CLVS1: variants seen among roughly 807,000 people sequenced by gnomAD.
CLVS1 encodes clavesin-1.
In CLVS1, 10 loss-of-function variants were observed where a neutral mutation model predicts 33.1. That is an observed-to-expected ratio of 0.30 (90% CI 0.19 to 0.51). The LOEUF (loss-of-function observed/expected upper bound fraction) is 0.51, where lower values mean the gene tolerates loss of function less well. Ranked by LOEUF, CLVS1 falls within the 20% of genes least tolerant of loss-of-function variation. The pLI is 0.97. For missense variants in CLVS1, 343 were observed against 433.4 expected, an observed-to-expected ratio of 0.79 and a Z score of 1.85; for synonymous variants, 163 against 166.1, an observed-to-expected ratio of 0.98 and a Z score of 0.14.
chr8:61,051,574 G>A, the CLVS1 span, among the ~76,000 whole-genome samples: 3 of 152,248 alleles, frequency 2.0e-5, no homozygotes, highest in South Asian at 4.1e-4. Context: ...CCTGCCAAAC[G>A]AAAGGCATGG....
At chr8:61,301,116 A>C (rs1810416718) in intron 2 of CLVS1, 1 of 152,162 alleles carries the variant, frequency 6.6e-6, no homozygotes, top group Admixed American at 6.5e-5. Context: ...AAATTCTGTT[A>C]CATCACTTCC....
chr8:60,987,930 A>C, the CLVS1 span, among the ~76,000 whole-genome samples: 1 of 152,192 alleles, frequency 6.6e-6, no homozygotes, highest in African/African-American at 2.4e-5. Flanking sequence ...CTCTTAAAAA[A>C]ACTTAACAAA....
the CLVS1 span, among the ~76,000 whole-genome samples, chr8:60,984,186 G>GCT: frequency 5.3e-5 from 8 of 152,086 alleles, no homozygotes; most frequent in Admixed American, 2.0e-4. Context: ...TCCAGCACCT[G>GCT]CTTTCCACCT....
chr8:61,325,765 A>C (rs945282516), intron 2 of CLVS1, among the ~76,000 whole-genome samples: 5 of 152,176 alleles, frequency 3.3e-5, no homozygotes, highest in African/African-American at 1.2e-4. Flanking sequence ...ATTGTTTGCT[A>C]TCAGGAGAAA....
intron 2 of CLVS1, among the ~76,000 whole-genome samples, chr8:61,214,678 A>T (rs1808047740): frequency 6.6e-6 from 1 of 152,208 alleles, no homozygotes; most frequent in Admixed American, 6.5e-5. Context: ...GTTTGTGGTG[A>T]TTTGTTATGG....
At chr8:60,989,445 G>A in the CLVS1 span, among the ~76,000 whole-genome samples, 1 of 152,196 alleles carries the variant, frequency 6.6e-6, no homozygotes, top group Admixed American at 6.5e-5. Flanking sequence ...CCAAAGTGCA[G>A]ATTCTTAACA....
rs1804863792 is a variant in CLVS1 at position 61,074,397 on chromosome 8, TG to T, written c.-243+17168del. Among the ~76,000 whole-genome samples, 5 of 50,260 alleles carry T rather than the reference TG, an allele frequency of 9.9e-5. No homozygotes were observed. In the African/African-American group the frequency reaches 1.9e-3, roughly 19 times the overall value. 33.0% of individuals were successfully genotyped at this position (50,260 alleles called of 152,430 possible). ...ATATAAGTATATGTGTATATATATA[TG>T]TTATATATATATAAGTATATGTGTA... On this transcript the variant is annotated intron_variant, in intron 1 of 2. Transcript: ENST00000522621.
At chr8:61,237,567 C>T (rs1334154781) in intron 2 of CLVS1, among the ~76,000 whole-genome samples, 1 of 152,166 alleles carries the variant, frequency 6.6e-6, no homozygotes, top group Non-Finnish European at 1.5e-5. Context: ...CAATTACTAA[C>T]CTAAGAGCTG....
intron 3 of CLVS1, among the ~76,000 whole-genome samples, chr8:61,404,029 G>T (rs1814879570): frequency 6.6e-6 from 1 of 152,198 alleles, no homozygotes; most frequent in African/African-American, 2.4e-5. Context: ...CATAGAATGG[G>T]AATAAGCAGA....
intron 2 of CLVS1, among the ~76,000 whole-genome samples, chr8:61,136,802 T>C (rs982942699): frequency 6.6e-6 from 1 of 152,182 alleles, no homozygotes; most frequent in Non-Finnish European, 1.5e-5. Flanking sequence ...AGCTTACCTA[T>C]GTAACAAACC....
chr8:61,016,342 G>A, the CLVS1 span, among the ~76,000 whole-genome samples: 5 of 152,290 alleles, frequency 3.3e-5, no homozygotes, highest in Admixed American at 6.5e-5. Context: ...GAGGCCCCAC[G>A]ACCCAAAGTG....
At chr8:61,333,512 T>C (rs1484378681) in intron 2 of CLVS1, among the ~76,000 whole-genome samples, 1 of 152,144 alleles carries the variant, frequency 6.6e-6, no homozygotes, top group Non-Finnish European at 1.5e-5. Context: ...ACTAAGCAGT[T>C]TCAAATTTGT....
chr8:61,033,937 T>C, the CLVS1 span, among the ~76,000 whole-genome samples: 1 of 152,204 alleles, frequency 6.6e-6, no homozygotes. Context: ...AGACTCCGGC[T>C]TGGTCATGAC....
At chr8:61,100,168 TA>T (rs1369159540) in intron 1 of CLVS1, among the ~76,000 whole-genome samples, 2 of 152,174 alleles carry the variant, frequency 1.3e-5, no homozygotes, top group African/African-American at 4.8e-5. Flanking sequence ...AGAATTTAAC[TA>T]AAAAGATGAA....
chr8:61,171,019 A>G (rs1362688499), intron 2 of CLVS1, among the ~76,000 whole-genome samples: 1 of 152,120 alleles, frequency 6.6e-6, no homozygotes, highest in East Asian at 1.9e-4. Context: ...TTTAGATATT[A>G]GTAGGTTTTT....
intron 5 of CLVS1, among the ~76,000 whole-genome samples, chr8:61,493,144 G>A (rs142219393): frequency 5.7e-4 from 87 of 152,264 alleles, no homozygotes; most frequent in African/African-American, 1.7e-3. Context: ...TAGCTTTTAT[G>A]TGAAATTATT....
At chr8:61,356,098 T>C (rs1267381281) in intron 2 of CLVS1, among the ~76,000 whole-genome samples, 1 of 152,010 alleles carries the variant, frequency 6.6e-6, no homozygotes, top group African/African-American at 2.4e-5. Flanking sequence ...TTTTTAACGA[T>C]TGCCATTCTA....
intron 5 of CLVS1, among the ~76,000 whole-genome samples, chr8:61,489,706 T>C (rs544796450): frequency 2.0e-5 from 3 of 152,328 alleles, no homozygotes; most frequent in Middle Eastern, 3.4e-3. Context: ...CCTGTAGATA[T>C]TTCTTAAAAC....
chr8:61,023,454 GCCATGCA>G, the CLVS1 span, among the ~76,000 whole-genome samples: 1 of 152,202 alleles, frequency 6.6e-6, no homozygotes, highest in Non-Finnish European at 1.5e-5. Context: ...TAAATGCCCT[GCCATGCA>G]CCATTACATC....
Sources: allele counts gnomAD v4.1 joint callset (sites outside exome capture counted in the v4.1 genomes callset), GRCh38; gene constraint gnomAD v4.1.1; transcripts MANE v1.5; gene names NCBI Gene and HGNC (gene_info 2026-07-23, HGNC 2026-07-21).